The following MYT1L variants were observed in gnomAD, a reference collection of about 807,000 sequenced individuals.
MYT1L encodes myelin transcription factor 1 like.
In MYT1L, 12 loss-of-function variants were observed where a neutral mutation model predicts 126.7. The observed-to-expected ratio is 0.09, with a 90% CI of 0.06 to 0.15. The LOEUF is 0.15. Among genes scored for constraint, MYT1L ranks in the 10% least tolerant of loss-of-function variants. The pLI, the probability that MYT1L is intolerant of heterozygous loss-of-function variation, is 1.00. For synonymous variants in MYT1L, 541 were observed against 604.2 expected, an observed-to-expected ratio of 0.90 and a Z score of 1.53; for missense variants, 979 against 1,585.2, an observed-to-expected ratio of 0.62 and a Z score of 6.49.
At chr2:2,209,478 A>T (rs1022437163) in intron 2 of MYT1L, among the ~76,000 whole-genome samples, 1 of 152,124 alleles carries the variant, frequency 6.6e-6, no homozygotes, top group Non-Finnish European at 1.5e-5. Flanking sequence ...TAGTTTCCAC[A>T]AGTATGTGAG....
chr2:2,097,755 G>C (rs78177444), intron 3 of MYT1L, among the ~76,000 whole-genome samples: 1 of 152,266 alleles, frequency 6.6e-6, no homozygotes, highest in Non-Finnish European at 1.5e-5. Context: ...GGTATATGAT[G>C]AGTCATCAGT....
chr2:2,262,939 G>GATATATATATATATATATATAAAT (rs60682131), intron 2 of MYT1L, among the ~76,000 whole-genome samples: 2 of 51,996 alleles, frequency 3.8e-5, no homozygotes, highest in Admixed American at 3.7e-4. Context: ...TATAACCTGT[G>GATATATATATATATATATATAAAT]ATATATATAT....
chr2:2,233,360 A>G (rs548707342), intron 2 of MYT1L, among the ~76,000 whole-genome samples: 1 of 152,124 alleles, frequency 6.6e-6, no homozygotes, highest in Non-Finnish European at 1.5e-5. Flanking sequence ...GCCACGTCTC[A>G]TCTCAGTCCT....
At chr2:2,206,093 C>T (rs2093307769) in intron 2 of MYT1L, among the ~76,000 whole-genome samples, 1 of 151,928 alleles carries the variant, frequency 6.6e-6, no homozygotes, top group African/African-American at 2.4e-5. Flanking sequence ...AGCAATTCTC[C>T]TGCCTCAGCC....
chr2:2,246,126 C>T (rs2094530194), intron 2 of MYT1L, among the ~76,000 whole-genome samples: 1 of 152,302 alleles, frequency 6.6e-6, no homozygotes, highest in African/African-American at 2.4e-5. Flanking sequence ...TGCCCTAGTT[C>T]AGCCTCCTCC....
intron 4 of MYT1L, among the ~76,000 whole-genome samples, chr2:2,000,993 T>A (rs770749093): frequency 6.6e-5 from 10 of 152,172 alleles, no homozygotes; most frequent in Non-Finnish European, 1.3e-4. Flanking sequence ...AGGTCTAGGG[T>A]CTTCTCTTCC....
chr2:1,834,280 C>T (rs1185867761), intron 21 of MYT1L, among the ~76,000 whole-genome samples: 1 of 151,642 alleles, frequency 6.6e-6, no homozygotes, highest in East Asian at 1.9e-4. Flanking sequence ...TTTGGGAAAA[C>T]CACCAGGCAG....
intron 4 of MYT1L, among the ~76,000 whole-genome samples, chr2:2,026,750 C>A (rs1258266369): frequency 6.6e-6 from 1 of 152,076 alleles, no homozygotes; most frequent in African/African-American, 2.4e-5. Flanking sequence ...CCTCAGAGGA[C>A]TCCTGAGTCA....
intron 2 of MYT1L, among the ~76,000 whole-genome samples, chr2:2,177,170 C>T (rs2090902418): frequency 6.6e-6 from 1 of 152,330 alleles, no homozygotes; most frequent in Admixed American, 6.5e-5. Context: ...ATGGAACAAC[C>T]TTGTTGTGTC....
intron 2 of MYT1L, among the ~76,000 whole-genome samples, chr2:2,269,223 A>T (rs746456198): frequency 1.1e-4 from 17 of 152,232 alleles, no homozygotes; most frequent in Non-Finnish European, 2.1e-4. Context: ...AAGATAACTT[A>T]CAATACTTTT....
chr2:1,886,505 T>G (rs1190702709), intron 18 of MYT1L, 34 bp downstream of exon 18: 2 of 1,495,524 alleles, frequency 1.3e-6, no homozygotes, highest in South Asian at 1.3e-5. Context: ...AGTGCATGGA[T>G]TTTTAAAAGA....
intron 3 of MYT1L, among the ~76,000 whole-genome samples, chr2:2,098,198 C>G (rs534575216): frequency 7.2e-6 from 1 of 139,556 alleles, no homozygotes; most frequent in African/African-American, 2.7e-5. Flanking sequence ...GTAGATCATA[C>G]TGCAGCACAT....
intron 2 of MYT1L, among the ~76,000 whole-genome samples, chr2:2,255,918 A>G (rs926052372): frequency 1.6e-4 from 24 of 152,144 alleles, no homozygotes; most frequent in Admixed American, 6.5e-5. Context: ...CTTACCCTTT[A>G]CTGAGTCTGA....
chr2:2,316,518 T>C (rs1331208110), intron 1 of MYT1L, among the ~76,000 whole-genome samples: 3 of 152,246 alleles, frequency 2.0e-5, no homozygotes, highest in Admixed American at 6.5e-5. Flanking sequence ...GCCATGTTAA[T>C]GGCATATATC....
intron 21 of MYT1L, among the ~76,000 whole-genome samples, chr2:1,813,809 C>A (rs1386246250): frequency 6.9e-6 from 1 of 145,794 alleles, no homozygotes; most frequent in Non-Finnish European, 1.5e-5. Context: ...GGGCGGATCA[C>A]GCGGTCAGGA....
chr2:2,157,363 CTT>C (rs2086902614), intron 3 of MYT1L, among the ~76,000 whole-genome samples: 1 of 152,148 alleles, frequency 6.6e-6, no homozygotes, highest in East Asian at 1.9e-4. Flanking sequence ...CTTAAACAAA[CTT>C]AATATGTCCA....
intron 3 of MYT1L, among the ~76,000 whole-genome samples, chr2:2,074,019 TGCAAGGCACAAG>T (rs1283922615): frequency 6.6e-6 from 1 of 152,212 alleles, no homozygotes; most frequent in Non-Finnish European, 1.5e-5. Flanking sequence ...ATATTCTCCA[TGCAAGGCACAAG>T]GCCTAGCAAG....
intron 2 of MYT1L, among the ~76,000 whole-genome samples, chr2:2,238,466 G>A (rs529736194): frequency 6.6e-6 from 1 of 152,314 alleles, no homozygotes; most frequent in African/African-American, 2.4e-5. Context: ...TATGCAGTTG[G>A]AGAAACACTT....
At chr2:1,847,082 G>C (rs988298505) in intron 19 of MYT1L, among the ~76,000 whole-genome samples, 3 of 152,340 alleles carry the variant, frequency 2.0e-5, no homozygotes, top group African/African-American at 7.2e-5. Context: ...CCGTTTGACT[G>C]CCATGCTGGA....
Sources: allele counts gnomAD v4.1 joint callset (sites outside exome capture counted in the v4.1 genomes callset), GRCh38; gene constraint gnomAD v4.1.1; transcripts MANE v1.5; gene names NCBI Gene and HGNC (gene_info 2026-07-23, HGNC 2026-07-21).